The following DPF3 variants were observed in gnomAD, a reference collection of about 807,000 sequenced individuals.
DPF3 encodes double PHD fingers 3, also known as zinc finger protein DPF3.
DPF3 carries 18 observed loss-of-function variants against 56.8 expected under a neutral mutation model. That is an observed-to-expected ratio of 0.32 (90% CI 0.22 to 0.47). The LOEUF is 0.47. Among genes scored for constraint, DPF3 ranks in the 20% least tolerant of loss-of-function variants. The probability of loss-of-function intolerance (pLI) is 1.00; values close to 1 mark genes in which losing one functional copy is unlikely to be tolerated. For missense variants in DPF3, 403 were observed against 488.8 expected, an observed-to-expected ratio of 0.82 and a Z score of 1.65; for synonymous variants, 188 against 180.2, an observed-to-expected ratio of 1.04 and a Z score of -0.35.
At chr14:72,669,509 A>G (rs1484585835) in intron 8 of DPF3, among the ~76,000 whole-genome samples, 1 of 152,154 alleles carries the variant, frequency 6.6e-6, no homozygotes, top group Non-Finnish European at 1.5e-5. Flanking sequence ...TACCGAGAGT[A>G]AGAAATACCA....
intron 1 of DPF3, among the ~76,000 whole-genome samples, chr14:72,832,220 A>T (rs1884090248): frequency 1.3e-5 from 2 of 152,048 alleles, no homozygotes; most frequent in African/African-American, 2.4e-5. Context: ...ATGTTTCTTT[A>T]AAAAAAATTA....
intron 1 of DPF3, among the ~76,000 whole-genome samples, chr14:72,807,922 G>A (rs992572033): frequency 2.6e-5 from 4 of 152,122 alleles, no homozygotes; most frequent in African/African-American, 7.2e-5. Flanking sequence ...TTATGATCAC[G>A]CCACTGCATT....
chr14:72,818,687 T>A (rs1176985209), intron 1 of DPF3, among the ~76,000 whole-genome samples: 2 of 152,188 alleles, frequency 1.3e-5, no homozygotes, highest in Non-Finnish European at 2.9e-5. Flanking sequence ...AAGATAAAAA[T>A]TTAAAAATTA....
Position 72,674,222 on chromosome 14 carries a change from G to A in DPF3, c.871+18C>T, listed in dbSNP as rs1301182406. The stretch of plus-strand genomic sequence containing the variant: ...TCCTGGTCTACGGGCACCCGGTGTG[G>A]GAAGGGGCCACACTCACCAGAGCGT... On this transcript the variant is annotated intron_variant, in intron 8 of 10. Coordinates refer to ENST00000556509, the MANE Select transcript of DPF3 (RefSeq NM_001280542.3). 2 of 1,607,952 alleles carry A rather than the reference G, an allele frequency of 1.2e-6. No homozygotes were observed. Among genetic ancestry groups the A allele is most frequent in the East Asian group, 2.2e-5 (1 of 44,774 alleles).
At chr14:72,817,731 T>C (rs996388625) in intron 1 of DPF3, among the ~76,000 whole-genome samples, 4 of 152,126 alleles carry the variant, frequency 2.6e-5, no homozygotes, top group African/African-American at 9.7e-5. Flanking sequence ...ATCCAGATTA[T>C]ATAGATGAAT....
chr14:72,644,933 C>G (rs72728556), intron 8 of DPF3, among the ~76,000 whole-genome samples: 65 of 152,330 alleles, frequency 4.3e-4, no homozygotes, highest in Non-Finnish European at 8.1e-4. Context: ...GCAGACATTA[C>G]TAATCAATTC....
At chr14:72,647,194 T>C (rs925528105) in intron 8 of DPF3, among the ~76,000 whole-genome samples, 4 of 152,216 alleles carry the variant, frequency 2.6e-5, no homozygotes, top group Non-Finnish European at 4.4e-5. Flanking sequence ...TGGAAAACTT[T>C]AAAAGAACAA....
At chr14:72,768,844 C>G (rs1891393945) in intron 2 of DPF3, among the ~76,000 whole-genome samples, 1 of 151,558 alleles carries the variant, frequency 6.6e-6, no homozygotes, top group Non-Finnish European at 1.5e-5. Flanking sequence ...GACAAAAAGA[C>G]TTGCAAAAAA....
At chr14:72,638,426 G>T (rs1885447059) in intron 8 of DPF3, among the ~76,000 whole-genome samples, 1 of 152,176 alleles carries the variant, frequency 6.6e-6, no homozygotes, top group Non-Finnish European at 1.5e-5. Flanking sequence ...GCCTGAAAAA[G>T]AAACCATTGC....
intron 8 of DPF3, among the ~76,000 whole-genome samples, chr14:72,631,797 T>C (rs1885185643): frequency 6.6e-6 from 1 of 152,196 alleles, no homozygotes; most frequent in Admixed American, 6.5e-5. Context: ...TCAACTACAA[T>C]TGTATAATTA....
At chr14:72,787,498 G>A (rs950681950) in intron 1 of DPF3, among the ~76,000 whole-genome samples, 3 of 152,138 alleles carry the variant, frequency 2.0e-5, no homozygotes, top group African/African-American at 7.2e-5. Flanking sequence ...CGTGGCACCC[G>A]GGCTCCAGTC....
chr14:72,709,026 C>T (rs1359139587), intron 6 of DPF3, among the ~76,000 whole-genome samples: 2 of 152,198 alleles, frequency 1.3e-5, no homozygotes, highest in African/African-American at 4.8e-5. Context: ...CCTGCTCCTC[C>T]CATCAGCCTG....
chr14:72,693,280 A>G, intron 6 of DPF3, 67 bp from the exon 7 acceptor site: 2 of 1,538,308 alleles, frequency 1.3e-6, no homozygotes, highest in East Asian at 2.4e-5. Context: ...CACCGCTATC[A>G]TTCTCCCAGA....
In DPF3 at chr14:72,838,908, C is replaced by CTTTT. The variant is rs376458640; in HGVS notation, c.32+55145_32+55148dup. Among the ~76,000 whole-genome samples, 31 of 78,582 alleles carry CTTTT rather than the reference C, an allele frequency of 3.9e-4. 1 individual carries two copies. The highest frequency in any genetic ancestry group is 1.5e-3 in the African/African-American group (22 of 14,406). 51.6% of individuals were successfully genotyped at this position (78,582 alleles called of 152,430 possible). The stretch of plus-strand genomic sequence containing the variant: ...TATCATATATATTATCATATATATT[C>CTTTT]TTTTTTTTTTTTTTTTTTTTTTTTT... On this transcript the variant is annotated intron_variant, in intron 1 of 10. Transcript: ENST00000556509.
intron 1 of DPF3, among the ~76,000 whole-genome samples, chr14:72,853,945 G>A (rs1885082469): frequency 6.6e-6 from 1 of 152,186 alleles, no homozygotes; most frequent in Non-Finnish European, 1.5e-5. Context: ...CAAGATCTGG[G>A]AAACAACTCA....
chr14:72,720,688 C>A (rs1294756012), intron 5 of DPF3, among the ~76,000 whole-genome samples: 1 of 152,204 alleles, frequency 6.6e-6, no homozygotes, highest in African/African-American at 2.4e-5. Flanking sequence ...CTGGGCCAGG[C>A]ATGAACTCAG....
At chr14:72,868,244 A>G (rs2160137) in intron 1 of DPF3, among the ~76,000 whole-genome samples, 35,265 of 152,082 alleles carry the variant, frequency 0.23, 4,654 homozygotes, top group East Asian at 0.48. Flanking sequence ...GGAGTCAGAC[A>G]TCTCTCTCCT....
intron 1 of DPF3, among the ~76,000 whole-genome samples, chr14:72,777,957 G>A (rs886392959): frequency 2.0e-5 from 3 of 152,148 alleles, no homozygotes; most frequent in Non-Finnish European, 4.4e-5. Context: ...CCTAATCCAG[G>A]AGGTAATCAG....
chr14:72,670,089 G>A (rs761055788), intron 8 of DPF3: 19 of 985,726 alleles, frequency 1.9e-5, no homozygotes, highest in Non-Finnish European at 2.3e-5. Context: ...AAAACAAAGT[G>A]CCTGGCAGGC....
Sources: allele counts gnomAD v4.1 joint callset (sites outside exome capture counted in the v4.1 genomes callset), GRCh38; gene constraint gnomAD v4.1.1; transcripts MANE v1.5; gene names NCBI Gene and HGNC (gene_info 2026-07-23, HGNC 2026-07-21).